The following PDE4D variants were observed in gnomAD, a reference collection of about 807,000 sequenced individuals.
The protein encoded by PDE4D is 3',5'-cyclic-AMP phosphodiesterase 4D.
A neutral mutation model predicts 87.4 loss-of-function variants in PDE4D; 24 were observed. That is an observed-to-expected ratio of 0.27 (90% CI 0.20 to 0.39). PDE4D has a LOEUF of 0.39. Ranked by LOEUF, PDE4D falls within the 10% of genes least tolerant of loss-of-function variation. The pLI is 1.00. For synonymous variants in PDE4D, 384 were observed against 383.2 expected, an observed-to-expected ratio of 1.00 and a Z score of -0.02; for missense variants, 714 against 1,041.0, an observed-to-expected ratio of 0.69 and a Z score of 4.32.
At position 59,406,779 on chromosome 5, in the gene PDE4D, G is replaced by C. The variant is rs1382631832; in HGVS notation, c.456-190811C>G. Among the ~76,000 whole-genome samples the C allele has an allele frequency of 2.6e-5, 4 of 151,952 alleles. No homozygotes were observed. In the South Asian group the frequency reaches 8.3e-4, roughly 32 times the overall value. Reference sequence around the variant, plus strand: ...TCTTTTGTTCTTACTTGATAATTTTGTATAGTATCCTTTTGTTTCATTAAT... The same window carrying C: ...TCTTTTGTTCTTACTTGATAATTTTCTATAGTATCCTTTTGTTTCATTAAT... On this transcript the variant is annotated intron_variant, in intron 1 of 14. Coordinates refer to ENST00000340635, the MANE Select transcript of PDE4D (RefSeq NM_001104631.2).
intron 1 of PDE4D, among the ~76,000 whole-genome samples, chr5:59,833,841 A>G (rs976855671): frequency 5.9e-5 from 9 of 152,232 alleles, no homozygotes; most frequent in African/African-American, 2.2e-4. Context: ...ATAAACATAG[A>G]TAACTTGATT....
chr5:59,243,482 G>A (rs1354734295), intron 1 of PDE4D, among the ~76,000 whole-genome samples: 36 of 68,316 alleles, frequency 5.3e-4, no homozygotes, highest in Non-Finnish European at 9.4e-4. Flanking sequence ...TTTTTGAGAC[G>A]GAGTTTCTCT....
intron 1 of PDE4D, among the ~76,000 whole-genome samples, chr5:59,465,379 T>C (rs1354776075): frequency 6.6e-6 from 1 of 152,132 alleles, no homozygotes; most frequent in Non-Finnish European, 1.5e-5. Flanking sequence ...CATGTGCACA[T>C]ACACATATGT....
intron 1 of PDE4D, among the ~76,000 whole-genome samples, chr5:59,587,764 G>C (rs1825384360): frequency 6.6e-6 from 1 of 152,180 alleles, no homozygotes; most frequent in African/African-American, 2.4e-5. Flanking sequence ...AGCAAAAGGG[G>C]TTAAAGGAAT....
At chr5:60,273,068 T>C (rs75558540) in intron 1 of PDE4D, among the ~76,000 whole-genome samples, 146 of 152,256 alleles carry the variant, frequency 9.6e-4, no homozygotes, top group African/African-American at 3.4e-3. Context: ...TCAGGCTTGA[T>C]GCTAAGGGCA....
At chr5:60,120,209 C>G (rs931979493) in intron 2 of PDE4D, among the ~76,000 whole-genome samples, 125 of 152,224 alleles carry the variant, frequency 8.2e-4, no homozygotes, top group African/African-American at 2.9e-3. Context: ...TGCATTAGAA[C>G]AAATTCATGT....
At chr5:60,311,274 G>A (rs1755014293) in intron 1 of PDE4D, among the ~76,000 whole-genome samples, 3 of 152,096 alleles carry the variant, frequency 2.0e-5, no homozygotes. Context: ...CGCCCGCCTT[G>A]GCCTCCCAAA....
intron 3 of PDE4D, among the ~76,000 whole-genome samples, chr5:59,972,520 C>T (rs1057319305): frequency 9.9e-5 from 15 of 152,190 alleles, no homozygotes; most frequent in African/African-American, 3.4e-4. Context: ...AAACTGAAAC[C>T]AAAATACTTT....
chr5:59,518,211 GTGTGT>G (rs1811524588), intron 1 of PDE4D, among the ~76,000 whole-genome samples: 1 of 151,764 alleles, frequency 6.6e-6, no homozygotes, highest in Non-Finnish European at 1.5e-5. Context: ...GTGTGTGTGT[GTGTGT>G]GTGTGTATAA....
At chr5:60,245,065 C>A (rs980634584) in intron 1 of PDE4D, among the ~76,000 whole-genome samples, 3 of 151,844 alleles carry the variant, frequency 2.0e-5, no homozygotes, top group Admixed American at 2.0e-4. Flanking sequence ...GATTAATAAC[C>A]AGAACATATA....
chr5:59,698,138 G>T (rs943020367), intron 1 of PDE4D, among the ~76,000 whole-genome samples: 1 of 152,106 alleles, frequency 6.6e-6, no homozygotes, highest in Non-Finnish European at 1.5e-5. Flanking sequence ...AATTTTGCCT[G>T]AAGTCTTCTA....
chr5:60,460,504 G>T, intron 1 of PDE4D: 1 of 1,522,416 alleles, frequency 6.6e-7, no homozygotes, highest in Non-Finnish European at 9.1e-7. Flanking sequence ...CTGAAAAAAT[G>T]GTTGGCAGAG....
intron 5 of PDE4D, among the ~76,000 whole-genome samples, chr5:59,106,873 G>C (rs1353078769): frequency 6.6e-6 from 1 of 152,152 alleles, no homozygotes; most frequent in Non-Finnish European, 1.5e-5. Flanking sequence ...ACAGTACAGG[G>C]GTTTCTGAAG....
chr5:59,910,703 A>G (rs1342429528), intron 3 of PDE4D, among the ~76,000 whole-genome samples: 1 of 152,220 alleles, frequency 6.6e-6, no homozygotes, highest in African/African-American at 2.4e-5. Flanking sequence ...TGTAATTTGA[A>G]TTGTATGACT....
chr5:59,519,400 G>A (rs542994255), intron 1 of PDE4D, among the ~76,000 whole-genome samples: 10 of 152,326 alleles, frequency 6.6e-5, no homozygotes, highest in African/African-American at 2.4e-4. Context: ...AGTAACATAT[G>A]AGCGATGATC....
rs1380955914 is a variant in PDE4D at position 58,988,993 on chromosome 5, C to T, written c.1453-401G>A. ...CGAAACCAGGGTTTCTCAACTTCAG[C>T]ACTATTGACATTTTGGGCCCAATAA... is the stretch of plus-strand genomic sequence containing the variant. On this transcript the variant is annotated intron_variant, in intron 10 of 14. Transcript: ENST00000340635. Among the ~76,000 whole-genome samples, 8 of 152,288 alleles carry T rather than the reference C, an allele frequency of 5.3e-5. No homozygotes were observed. The East Asian group carries it at 1.5e-3, about 29-fold the overall frequency.
chr5:60,155,808 CAAGAATT>C (rs35319450), intron 2 of PDE4D, among the ~76,000 whole-genome samples: 74,942 of 151,236 alleles, frequency 0.5, 18,863 homozygotes, highest in Admixed American at 0.53. Context: ...AAAAACAGTC[CAAGAATT>C]AAGGTGTGTT....
chr5:59,553,115 G>A (rs1468113831), intron 1 of PDE4D, among the ~76,000 whole-genome samples: 5 of 151,924 alleles, frequency 3.3e-5, no homozygotes, highest in Admixed American at 2.0e-4. Context: ...ACTTCACTTT[G>A]TATCAAATGT....
chr5:59,204,391 T>A (rs1348167598), intron 2 of PDE4D, among the ~76,000 whole-genome samples: 2 of 152,130 alleles, frequency 1.3e-5, no homozygotes, highest in African/African-American at 4.8e-5. Context: ...TTAGAGAAAA[T>A]ACATGATGCC....
Sources: allele counts gnomAD v4.1 joint callset (sites outside exome capture counted in the v4.1 genomes callset), GRCh38; gene constraint gnomAD v4.1.1; transcripts MANE v1.5; gene names NCBI Gene and HGNC (gene_info 2026-07-23, HGNC 2026-07-21).